Variants in CCDC3 observed in about 807,000 individuals in gnomAD.
CCDC3 encodes the protein coiled-coil domain-containing protein 3.
CCDC3 carries 24 observed loss-of-function variants against 21.4 expected under a neutral mutation model. The observed-to-expected ratio is 1.12, with a 90% CI of 0.81 to 1.58. The LOEUF is 1.58. CCDC3 is among the 40% of genes most tolerant of loss of function. The pLI is 0.00. For synonymous variants in CCDC3, 186 were observed against 166.0 expected (o/e 1.12, Z -0.93); for missense variants, 425 against 360.9 (o/e 1.18, Z -1.44).
intron 3 of CCDC3, among the ~76,000 whole-genome samples, chr10:13,083,025 A>C (rs928269042): frequency 1.3e-5 from 2 of 152,140 alleles, no homozygotes; most frequent in Non-Finnish European, 2.9e-5. Flanking sequence ...CTGCCCACAC[A>C]GCCTCCATCT....
chr10:12,954,899 C>CA (rs1488604864), intron 2 of CCDC3, among the ~76,000 whole-genome samples: 4 of 152,164 alleles, frequency 2.6e-5, no homozygotes, highest in African/African-American at 9.7e-5. Context: ...GGGACTCAGA[C>CA]AGTCATGATA....
At chr10:12,951,484 C>G (rs765619961) in intron 2 of CCDC3, among the ~76,000 whole-genome samples, 16 of 152,134 alleles carry the variant, frequency 1.1e-4, no homozygotes, top group Non-Finnish European at 2.2e-4. Flanking sequence ...GTAAATAAAG[C>G]AGGGTGGACA....
chr10:12,917,026 G>A (rs281849), intron 2 of CCDC3, among the ~76,000 whole-genome samples: 2 of 151,950 alleles, frequency 1.3e-5, no homozygotes, highest in Admixed American at 6.6e-5. Context: ...GCCCTTGCAT[G>A]GCACTGGGTT....
intron 2 of CCDC3, among the ~76,000 whole-genome samples, chr10:12,947,501 T>G (rs1212235090): frequency 6.6e-6 from 1 of 152,206 alleles, no homozygotes; most frequent in Non-Finnish European, 1.5e-5. Flanking sequence ...TGCCAGAGTG[T>G]TGGGTGCTAA....
intron 2 of CCDC3, among the ~76,000 whole-genome samples, chr10:12,919,711 C>G (rs1834417388): frequency 6.6e-6 from 1 of 152,086 alleles, no homozygotes; most frequent in South Asian, 2.1e-4. Flanking sequence ...CAGCTCCTTC[C>G]ATGCTCAGCA....
chr10:13,022,542 C>A (rs1164219790), intron 5 of CCDC3, among the ~76,000 whole-genome samples: 1 of 152,084 alleles, frequency 6.6e-6, no homozygotes, highest in Admixed American at 6.5e-5. Flanking sequence ...CGGTTTTTGC[C>A]ATTACTTTTA....
chr10:12,909,518 T>G (rs1834232024), intron 2 of CCDC3, among the ~76,000 whole-genome samples: 1 of 152,172 alleles, frequency 6.6e-6, no homozygotes, highest in Non-Finnish European at 1.5e-5. Flanking sequence ...GTAAGCTCCA[T>G]GTCTTGGGTC....
At chr10:13,008,245 G>C in intron 5 of CCDC3, among the ~76,000 whole-genome samples, 1 of 152,234 alleles carries the variant, frequency 6.6e-6, no homozygotes, top group East Asian at 1.9e-4. Context: ...AAGGATGTCA[G>C]TGCATGAGCA....
At chr10:12,901,819 C>T (rs186696455) in intron 2 of CCDC3, among the ~76,000 whole-genome samples, 1 of 152,194 alleles carries the variant, frequency 6.6e-6, no homozygotes. Flanking sequence ...TCCTTCTGTT[C>T]CCACATTTTA....
intron 2 of CCDC3, among the ~76,000 whole-genome samples, chr10:12,951,791 T>C (rs138020104): frequency 3.8e-4 from 37 of 98,172 alleles, no homozygotes; most frequent in Admixed American, 4.3e-4. Flanking sequence ...GACAACAGAG[T>C]GAGACTTCAT....
In CCDC3 at chr10:13,001,495, A is replaced by G. The variant is rs1167237350; in HGVS notation, c.76T>C (p.Ser26Pro). The change falls in exon 1 of 3, where the codon TCC becomes CCC. Residue 26 changes from serine to proline, a missense_variant. Physicochemically the swap from Ser to Pro is moderately conservative, Grantham distance 74. Coordinates refer to ENST00000378825, the MANE Select transcript of CCDC3 (RefSeq NM_031455.4). ...CCCTCGCTCAGGGGCCTCCACTCGG[A>G]GGGCAGCTGGCAGGCGCGCGCGGGC... ...PAPARACQLP[S>P]EWRPLSEGCR... 2 of 1,345,726 alleles carry G rather than the reference A, an allele frequency of 1.5e-6. No homozygotes were observed. Among genetic ancestry groups the G allele is most frequent in the East Asian group, 3.1e-5 (1 of 32,108 alleles). 83.4% of individuals were successfully genotyped at this position (1,345,726 alleles called of 1,614,324 possible).
intron 2 of CCDC3, among the ~76,000 whole-genome samples, chr10:12,978,736 C>T (rs529623249): frequency 1.3e-5 from 2 of 152,178 alleles, no homozygotes; most frequent in Admixed American, 6.5e-5. Context: ...ATCCACCCTT[C>T]TCTCTAGCCT....
chr10:13,095,660 C>A (rs1416854986), intron 3 of CCDC3, among the ~76,000 whole-genome samples: 2 of 152,216 alleles, frequency 1.3e-5, no homozygotes, highest in African/African-American at 4.8e-5. Context: ...TCCTGAGAGG[C>A]CACAGGCCAG....
intron 4 of CCDC3, among the ~76,000 whole-genome samples, chr10:13,071,387 G>A (rs778366173): frequency 6.6e-6 from 1 of 152,208 alleles, no homozygotes; most frequent in African/African-American, 2.4e-5. Context: ...GGAATCCAGA[G>A]ACAGATGATA....
At chr10:13,009,970 G>C (rs1835965408) in intron 5 of CCDC3, among the ~76,000 whole-genome samples, 1 of 152,178 alleles carries the variant, frequency 6.6e-6, no homozygotes, top group African/African-American at 2.4e-5. Flanking sequence ...TGATATAGCT[G>C]GGTGCACTGG....
chr10:12,975,946 A>G (rs902855877), intron 2 of CCDC3, among the ~76,000 whole-genome samples: 83 of 152,288 alleles, frequency 5.5e-4, no homozygotes, highest in African/African-American at 1.8e-3. Flanking sequence ...ACTCTTCTAC[A>G]CTGCATTGTA....
intron 3 of CCDC3, among the ~76,000 whole-genome samples, chr10:13,096,501 G>A (rs988323778): frequency 2.0e-5 from 3 of 152,162 alleles, no homozygotes; most frequent in Non-Finnish European, 4.4e-5. Context: ...CAGTTCTGCA[G>A]GGGTGTACGG....
At position 12,998,375 on chromosome 10, in the gene CCDC3, GT is replaced by G; in HGVS notation, c.511del (p.Thr171LeufsTer51). The G allele has an allele frequency of 6.2e-7, 1 of 1,614,134 alleles. No homozygotes were observed. ...SNCSQGQQLATFSSDWEIQED... is the reference protein window; with the variant it reads ...SNCSQGQQLAXFSSDWEIQED... The stretch of plus-strand genomic sequence containing the variant: ...CTGGATTTCCCAGTCACTGGAGAAA[GT>G]CGCCAGCTGCTGCCCTTGCGAACAG... On this transcript the variant is annotated frameshift_variant, in exon 2 of 3. Coordinates refer to ENST00000378825, the MANE Select transcript of CCDC3 (RefSeq NM_031455.4). LOFTEE classifies it high-confidence loss of function.
intron 5 of CCDC3, among the ~76,000 whole-genome samples, chr10:13,012,695 C>T (rs924372243): frequency 1.3e-5 from 2 of 151,812 alleles, no homozygotes; most frequent in Non-Finnish European, 2.9e-5. Context: ...CACTTCAACC[C>T]GGGAGGCAGA....
Sources: allele counts gnomAD v4.1 joint callset (sites outside exome capture counted in the v4.1 genomes callset), GRCh38; gene constraint gnomAD v4.1.1; transcripts MANE v1.5; gene names NCBI Gene and HGNC (gene_info 2026-07-23, HGNC 2026-07-21).